Variants in ZNF653 observed in about 807,000 individuals in gnomAD.
ZNF653 encodes 67 kDa zinc finger protein.
A neutral mutation model predicts 59.9 loss-of-function variants in ZNF653; 37 were observed. The ratio of observed to expected loss-of-function variants is 0.62; its 90% CI spans 0.48 to 0.81. The LOEUF is 0.81. ZNF653 is among the 40% of genes least tolerant of loss of function. The probability of loss-of-function intolerance (pLI) is 0.00; values close to 1 mark genes in which losing one functional copy is unlikely to be tolerated. For synonymous variants in ZNF653, 435 were observed against 371.8 expected, an observed-to-expected ratio of 1.17 and a Z score of -1.96; for missense variants, 808 against 881.1, an observed-to-expected ratio of 0.92 and a Z score of 1.05.
At chr19:11,485,051 CCA>C (rs1275371723) in intron 7 of ZNF653, among the ~76,000 whole-genome samples, 1 of 151,406 alleles carries the variant, frequency 6.6e-6, no homozygotes, top group African/African-American at 2.4e-5. Flanking sequence ...CAAAAAATAA[CCA>C]CACACACATT....
At chr19:11,491,744 G>A (rs1033588115) in intron 3 of ZNF653, among the ~76,000 whole-genome samples, 8 of 151,828 alleles carry the variant, frequency 5.3e-5, no homozygotes, top group African/African-American at 1.9e-4. Context: ...CCGCCACCAC[G>A]CCCAGCTAAT....
chr19:11,500,493 C>A (rs1389975608), intron 1 of ZNF653, among the ~76,000 whole-genome samples: 1 of 152,152 alleles, frequency 6.6e-6, no homozygotes, highest in African/African-American at 2.4e-5. Context: ...TGCCATCAGC[C>A]CAGCTAATTT....
chr19:11,500,699 C>A (rs1357759235), intron 1 of ZNF653: 2 of 152,260 alleles, frequency 1.3e-5, no homozygotes, highest in African/African-American at 4.8e-5. Flanking sequence ...GGGAGTGTCA[C>A]ATTGCAGTGG....
intron 2 of ZNF653, among the ~76,000 whole-genome samples, chr19:11,496,659 G>A (rs1334103309): frequency 6.6e-6 from 1 of 152,154 alleles, no homozygotes; most frequent in Admixed American, 6.5e-5. Context: ...CTTAAGGCCA[G>A]GAGTTTGAAA....
chr19:11,484,923 G>A (rs909014121), intron 7 of ZNF653, among the ~76,000 whole-genome samples: 29 of 151,266 alleles, frequency 1.9e-4, no homozygotes, highest in African/African-American at 6.8e-4. Flanking sequence ...GGTGGTGAGC[G>A]CCTGTAATCC....
At position 11,483,546 on chromosome 19, in the gene ZNF653, C is replaced by G; in HGVS notation, c.*136G>C. On this transcript the variant is annotated 3_prime_UTR_variant, in exon 9 of 9. Transcript: ENST00000293771. ...GGGGTGGGGAACCTGCCCAGGGGGCCCAGCTCTGGGGCGGGGCGGGGGCGC... is the reference window on the plus strand; with the variant it reads ...GGGGTGGGGAACCTGCCCAGGGGGCGCAGCTCTGGGGCGGGGCGGGGGCGC... The G allele has an allele frequency of 7.1e-7, 1 of 1,416,230 alleles. No homozygotes were observed. The highest frequency in any genetic ancestry group is 3.1e-5 in the Admixed American group (1 of 32,770). The allele number at this position is 1,416,230 out of a possible 1,614,324, so 87.7% of individuals were successfully genotyped here.
intron 3 of ZNF653, among the ~76,000 whole-genome samples, chr19:11,491,491 C>T (rs1971529232): frequency 6.6e-6 from 1 of 152,288 alleles, no homozygotes; most frequent in Middle Eastern, 3.4e-3. Flanking sequence ...AGGAGGTGTT[C>T]CATCACCTCC....
At chr19:11,493,137 A>G (rs1783930369) in intron 3 of ZNF653, among the ~76,000 whole-genome samples, 7 of 150,972 alleles carry the variant, frequency 4.6e-5, no homozygotes, top group Admixed American at 4.6e-4. Context: ...GGCTCACTGC[A>G]ACCTCCGCCT....
At chr19:11,505,369 C>T (rs1971703680) in intron 1 of ZNF653, 119 bp downstream of exon 1, 1 of 1,110,322 alleles carries the variant, frequency 9.0e-7, no homozygotes, top group Admixed American at 4.2e-5. Flanking sequence ...GCCGGCCCGG[C>T]TCCTGGGCGG....
At position 11,505,801 on chromosome 19, in the gene ZNF653, T is replaced by C; in HGVS notation, c.-15A>G. 2 of 997,174 alleles carry C rather than the reference T, an allele frequency of 2.0e-6. No individual in the cohort carries two copies. The highest frequency in any genetic ancestry group is 2.5e-6 in the Non-Finnish European group (2 of 796,088). 61.8% of individuals were successfully genotyped at this position (997,174 alleles called of 1,614,324 possible). ...CGCTCCGCCATCCCCCCCACCCTGG[T>C]TACCAGCCTCCCCCGTTGTTAGGAG... On this transcript the variant is annotated 5_prime_UTR_variant, in exon 1 of 9. Transcript: ENST00000293771.
chr19:11,483,626 C>G lies in ZNF653; in HGVS notation c.*56G>C, dbSNP rs1217245353. On this transcript the variant is annotated 3_prime_UTR_variant, in exon 9 of 9. Transcript: ENST00000293771. Reference sequence around the variant, plus strand: ...TCGCAGCTGTCCAGGCCCCGGCAAGCCCGGGCGTGGTGTCCGAGCGGACGA... The same window carrying G: ...TCGCAGCTGTCCAGGCCCCGGCAAGGCCGGGCGTGGTGTCCGAGCGGACGA... 1.3e-6 allele frequency: 2 copies of G among 1,579,232 alleles called. No individual in the cohort carries two copies. The highest frequency in any genetic ancestry group is 1.1e-5 in the South Asian group (1 of 87,426).
intron 2 of ZNF653, among the ~76,000 whole-genome samples, chr19:11,497,893 C>T (rs1477600103): frequency 6.6e-6 from 1 of 152,214 alleles, no homozygotes; most frequent in African/African-American, 2.4e-5. Flanking sequence ...CTGGCCTTCA[C>T]CCTGCTGGAC....
intron 1 of ZNF653, 68 bp from the exon 2 acceptor site, chr19:11,498,407 C>T (rs1249947780): frequency 6.2e-7 from 1 of 1,603,228 alleles, no homozygotes; most frequent in African/African-American, 1.3e-5. Context: ...CCATGAGTAA[C>T]AACAGTGGCT....
At chr19:11,498,982 C>T (rs1971616753) in intron 1 of ZNF653, among the ~76,000 whole-genome samples, 1 of 152,220 alleles carries the variant, frequency 6.6e-6, no homozygotes, top group Admixed American at 6.5e-5. Flanking sequence ...ACCTCGGCCT[C>T]CCAAAGTGTT....
At chr19:11,486,024 A>C (rs138753325) in intron 6 of ZNF653, among the ~76,000 whole-genome samples, 1 of 151,894 alleles carries the variant, frequency 6.6e-6, no homozygotes, top group African/African-American at 2.4e-5. Context: ...CTCTCAGCTC[A>C]CTGCAAGCTC....
At chr19:11,491,075 G>A (rs1971525004) in intron 3 of ZNF653, among the ~76,000 whole-genome samples, 2 of 152,184 alleles carry the variant, frequency 1.3e-5, no homozygotes, top group African/African-American at 4.8e-5. Context: ...GATGCTAGTT[G>A]CGGCCCCACC....
At chr19:11,500,294 A>G (rs916918869) in intron 1 of ZNF653, among the ~76,000 whole-genome samples, 3 of 151,732 alleles carry the variant, frequency 2.0e-5, no homozygotes, top group African/African-American at 7.3e-5. Flanking sequence ...ATCCCTTCCC[A>G]TGGCTCCACC....
rs1971477095 is a variant in ZNF653, at chr19:11,487,221, G to A, written c.1172-63C>T. The A allele has an allele frequency of 1.2e-6, 2 of 1,600,698 alleles. No individual in the cohort carries two copies. The highest frequency in any genetic ancestry group is 2.2e-5 in the East Asian group (1 of 44,742). On this transcript the variant is annotated intron_variant, in intron 4 of 8. Transcript: ENST00000293771. This position sits in a 1 kb window ranked among gnomAD's most constrained non-coding sequence, Gnocchi z 5.1. ...AAGGCTGCCGAGGTGCCCACTTCGA[G>A]GGCCATTCCTCGCCCGGCCCCTCCC...
At chr19:11,494,245 C>T (rs1004506076) in intron 3 of ZNF653, among the ~76,000 whole-genome samples, 1 of 151,258 alleles carries the variant, frequency 6.6e-6, no homozygotes, top group Non-Finnish European at 1.5e-5. Context: ...TTGCTTCAAC[C>T]TGGGAGGCAG....
Sources: gnomAD v4.1 joint callset for allele counts (sites outside exome capture counted in the v4.1 genomes callset) on GRCh38, gnomAD v4.1.1 for gene constraint, Gnocchi (gnomAD v3.1) non-coding constraint, MANE v1.5 for transcripts, NCBI Gene and HGNC (gene_info 2026-07-23, HGNC 2026-07-21) for gene names.